The following INF2 variants were observed in gnomAD, a reference collection of about 807,000 sequenced individuals.
INF2 encodes inverted formin-2.
Under a neutral mutation model 123.5 loss-of-function variants are expected in INF2, and 43 were observed. The ratio of observed to expected loss-of-function variants is 0.35; its 90% CI spans 0.27 to 0.45. The LOEUF (loss-of-function observed/expected upper bound fraction) is 0.45, where lower values mean the gene tolerates loss of function less well. Among genes scored for constraint, INF2 ranks in the 20% least tolerant of loss-of-function variants. INF2 has a pLI of 1.00. For synonymous variants in INF2, 851 were observed against 745.0 expected, an observed-to-expected ratio of 1.14 and a Z score of -2.32; for missense variants, 1,453 against 1,682.7, an observed-to-expected ratio of 0.86 and a Z score of 2.39.
intron 1 of INF2, 143 bp from the exon 2 acceptor site, chr14:104,701,214 T>G (rs1001199307): frequency 1.0e-6 from 1 of 965,010 alleles, no homozygotes. Context: ...GACACAGTGC[T>G]ACCCCTAACC....
chr14:104,707,467 C>T lies in INF2; in HGVS notation c.1200C>T (p.Ala400=). 1.3e-6 allele frequency: 2 copies of T among 1,554,602 alleles called. No homozygotes were observed. Among genetic ancestry groups the T allele is most frequent in the Non-Finnish European group, 1.7e-6 (2 of 1,149,708 alleles). The part of the protein sequence containing the change: ...AAAACEPVDH[A]QSESILKVSQ... ...CTGCCTGCGAGCCCGTGGACCACGC[C>T]CAGAGTGAGAGCATCCTGAAAGTTT... The change falls in exon 8 of 23, where the codon GCC becomes GCT. Residue 400 remains alanine, a synonymous_variant. Coordinates refer to ENST00000392634, the MANE Select transcript of INF2 (RefSeq NM_022489.4).
At chr14:104,709,468 C>T (rs563942155) in intron 11 of INF2, 85 bp downstream of exon 11, 2 of 1,311,450 alleles carry the variant, frequency 1.5e-6, no homozygotes, top group Non-Finnish European at 1.1e-6. Context: ...AGCAGGGAGA[C>T]AGAGAAGGGA....
intron 8 of INF2, 117 bp from the exon 9 acceptor site, chr14:104,708,319 C>T: frequency 7.5e-7 from 1 of 1,336,544 alleles, no homozygotes; most frequent in Non-Finnish European, 1.0e-6. Context: ...GGACCTGGAC[C>T]TACTGGGCCC....
chr14:104,718,181 GC>G (rs1890403508), intron 22 of INF2, among the ~76,000 whole-genome samples: 1 of 152,242 alleles, frequency 6.6e-6, no homozygotes, highest in South Asian at 2.1e-4. Context: ...CCCTGCTTGG[GC>G]CATCCCACTG....
chr14:104,683,840 G>A (rs528199746), intron 1 of INF2, among the ~76,000 whole-genome samples: 21 of 152,140 alleles, frequency 1.4e-4, no homozygotes, highest in Admixed American at 2.6e-4. Flanking sequence ...CTTCTCTGCC[G>A]CCCCACCCCT....
intron 6 of INF2, 143 bp from the exon 7 acceptor site, chr14:104,706,767 C>A: frequency 1.1e-6 from 1 of 885,494 alleles, no homozygotes; most frequent in Non-Finnish European, 1.7e-6. Flanking sequence ...TCACCAGTAC[C>A]ACAGTCGCTG....
At chr14:104,711,266 C>A (rs1890034068) in intron 15 of INF2, 80 bp downstream of exon 15, 2 of 1,219,180 alleles carry the variant, frequency 1.6e-6, no homozygotes, top group South Asian at 2.6e-5. Context: ...GAGGCCATAC[C>A]CCCATGCCCA....
At chr14:104,697,085 G>A (rs1038053762) in intron 1 of INF2, among the ~76,000 whole-genome samples, 1 of 152,204 alleles carries the variant, frequency 6.6e-6, no homozygotes, top group African/African-American at 2.4e-5. Flanking sequence ...GTTCCTCGTG[G>A]GGAGCCTGGA....
chr14:104,714,378 G>A lies in INF2; in HGVS notation c.3216G>A (p.Leu1072=), dbSNP rs749658415. The A allele has an allele frequency of 6.3e-7, 1 of 1,599,486 alleles. No homozygotes were observed. Among genetic ancestry groups the A allele is most frequent in the Admixed American group, 1.7e-5 (1 of 57,562 alleles). The change falls in exon 21 of 23, where the codon CTG becomes CTA. Residue 1072 remains leucine (L), a synonymous_variant. Transcript: ENST00000392634. ...TGGAGGAGGGTGGTCCACGGCCCCT[G>A]GAGAGGCGTTCTTCCTGGTATGTGG... ...EQLEEGGPRP[L]ERRSSWYVDA...
At chr14:104,697,222 C>T (rs1212677482) in intron 1 of INF2, among the ~76,000 whole-genome samples, 1 of 152,224 alleles carries the variant, frequency 6.6e-6, no homozygotes, top group Non-Finnish European at 1.5e-5. Flanking sequence ...GGCATAGGAG[C>T]TCCCACACTG....
At chr14:104,702,273 C>G (rs1055589058) in intron 2 of INF2, among the ~76,000 whole-genome samples, 3 of 152,216 alleles carry the variant, frequency 2.0e-5, no homozygotes, top group Non-Finnish European at 4.4e-5. Flanking sequence ...CGCCCTGTCC[C>G]CTACTCCAGC....
At chr14:104,712,702 C>T in intron 17 of INF2, 126 bp from the exon 18 acceptor site, 1 of 1,480,044 alleles carries the variant, frequency 6.8e-7, no homozygotes, top group Non-Finnish European at 9.1e-7. Context: ...GGCCCCTGCT[C>T]CTTGTCAGAG....
intron 22 of INF2, among the ~76,000 whole-genome samples, chr14:104,717,084 C>CG: frequency 6.6e-6 from 1 of 152,240 alleles, no homozygotes; most frequent in African/African-American, 2.4e-5. Flanking sequence ...AACCATTTGC[C>CG]AAAAATACCA....
chr14:104,715,489 C>T (rs1890257886), intron 22 of INF2, 149 bp downstream of exon 22: 1 of 790,466 alleles, frequency 1.3e-6, no homozygotes, highest in Non-Finnish European at 2.2e-6. Context: ...TCCCGCAGCC[C>T]TGGTGGTGGG....
upstream of INF2, among the ~76,000 whole-genome samples, chr14:104,685,995 ATGGGTAGGTGGG>A (rs377009433): frequency 0.12 from 10,828 of 89,390 alleles, 624 homozygotes; most frequent in Non-Finnish European, 0.15. Context: ...GGATGGATGG[ATGGGTAGGTGGG>A]TGGATAGGTG....
In INF2 at chr14:104,698,024, C is replaced by G. The variant is rs892797619; in HGVS notation, c.-9-3333C>G. ...GCCCTGCCTCAGCCAGAGCTGGTGC[C>G]GGCTGTAGAAAAGATTGCGAAGAAC... On this transcript the variant is annotated intron_variant, in intron 1 of 22. Coordinates refer to ENST00000392634, the MANE Select transcript of INF2 (RefSeq NM_022489.4). Among the ~76,000 whole-genome samples, 4 of 152,244 alleles carry G rather than the reference C, an allele frequency of 2.6e-5. 1 individual carries two copies. In the East Asian group the frequency reaches 5.8e-4, roughly 22 times the overall value.
At chr14:104,700,213 G>A (rs1425908311) in intron 1 of INF2, among the ~76,000 whole-genome samples, 1 of 152,232 alleles carries the variant, frequency 6.6e-6, no homozygotes, top group East Asian at 1.9e-4. Context: ...GGGACCTCCA[G>A]TCACAGCCCA....
At chr14:104,688,657 C>T (rs1241075500), upstream of INF2, among the ~76,000 whole-genome samples, 7 of 152,360 alleles carry the variant, frequency 4.6e-5, no homozygotes, top group East Asian at 5.8e-4. Context: ...GTGCTGGCGC[C>T]GGTTCTCAGG....
At chr14:104,686,784 C>T (rs1302188170), upstream of INF2, among the ~76,000 whole-genome samples, 1 of 152,180 alleles carries the variant, frequency 6.6e-6, no homozygotes, top group Non-Finnish European at 1.5e-5. Context: ...CCTGACTGCA[C>T]GGCGGCGCCA....
Sources: allele counts gnomAD v4.1 joint callset (sites outside exome capture counted in the v4.1 genomes callset), GRCh38; gene constraint gnomAD v4.1.1; transcripts MANE v1.5; gene names NCBI Gene and HGNC (gene_info 2026-07-23, HGNC 2026-07-21).